The following CHP1 variants were observed in gnomAD, a reference collection of about 807,000 sequenced individuals.
CHP1 encodes the protein calcineurin B homologous protein 1.
In CHP1, 11 loss-of-function variants were observed where a neutral mutation model predicts 27.4. The ratio of observed to expected loss-of-function variants is 0.40; its 90% CI spans 0.25 to 0.67. The LOEUF (loss-of-function observed/expected upper bound fraction) is 0.67. Ranked by LOEUF, CHP1 falls within the 30% of genes least tolerant of loss-of-function variation. The pLI, the probability that CHP1 is intolerant of heterozygous loss-of-function variation, is 0.38. For synonymous variants in CHP1, 89 were observed against 87.4 expected, an observed-to-expected ratio of 1.02 and a Z score of -0.10; for missense variants, 169 against 251.3, an observed-to-expected ratio of 0.67 and a Z score of 2.22.
intron 2 of CHP1, among the ~76,000 whole-genome samples, chr15:41,245,585 C>T (rs922908668): frequency 1.3e-5 from 2 of 152,208 alleles, no homozygotes; most frequent in Non-Finnish European, 2.9e-5. Flanking sequence ...AATAAATAGT[C>T]TGTCATATGG....
In CHP1 at chr15:41,242,072, G is replaced by A. The variant is rs571971980; in HGVS notation, c.68-1595G>A. Among the ~76,000 whole-genome samples the A allele has an allele frequency of 4.5e-4, 68 of 152,112 alleles. 1 individual carries two copies. In the South Asian group the frequency reaches 0.011, roughly 26 times the overall value. On this transcript the variant is annotated intron_variant, in intron 1 of 6. Transcript: ENST00000334660. ...CTGCCATTATTGCCTCATTTTAATT[G>A]TCAACTTGTATCTTGAGTTTATGGA... is the stretch of plus-strand genomic sequence containing the variant.
At chr15:41,231,885 A>T (rs186630103) in intron 1 of CHP1, among the ~76,000 whole-genome samples, 157 of 152,278 alleles carry the variant, frequency 1.0e-3, no homozygotes, top group Non-Finnish European at 3.1e-4. Context: ...TCTGACAACT[A>T]TGGGAAATTA....
intron 1 of CHP1, among the ~76,000 whole-genome samples, chr15:41,242,996 T>G (rs1410916404): frequency 6.6e-6 from 1 of 151,956 alleles, no homozygotes; most frequent in East Asian, 1.9e-4. Context: ...TACATTTTCT[T>G]AGCCTCTAAG....
intron 4 of CHP1, among the ~76,000 whole-genome samples, chr15:41,267,624 T>C (rs983930948): frequency 6.6e-6 from 1 of 150,390 alleles, no homozygotes; most frequent in Admixed American, 6.7e-5. Flanking sequence ...ATCGCGCCAC[T>C]GCACTCCAGC....
intron 3 of CHP1, among the ~76,000 whole-genome samples, chr15:41,262,329 G>A (rs1039707628): frequency 6.6e-6 from 1 of 152,044 alleles, no homozygotes; most frequent in Non-Finnish European, 1.5e-5. Context: ...ATACATTACT[G>A]CAGGGGAGAT....
chr15:41,277,394 G>A (rs1030173160), intron 5 of CHP1, among the ~76,000 whole-genome samples: 3 of 152,068 alleles, frequency 2.0e-5, no homozygotes, highest in Admixed American at 6.6e-5. Context: ...CTATAATCTC[G>A]GCACTTTGGG....
intron 3 of CHP1, among the ~76,000 whole-genome samples, chr15:41,262,550 G>A (rs1168009478): frequency 1.3e-5 from 2 of 152,180 alleles, no homozygotes; most frequent in African/African-American, 4.8e-5. Flanking sequence ...TTTATAAAGT[G>A]GGAGTAATAG....
chr15:41,261,226 C>T (rs1010897930), intron 3 of CHP1, among the ~76,000 whole-genome samples: 1 of 151,396 alleles, frequency 6.6e-6, no homozygotes, highest in Non-Finnish European at 1.5e-5. Context: ...GCAATCTAGG[C>T]TCACTGCAGC....
At chr15:41,241,087 A>G (rs1184208072) in intron 1 of CHP1, among the ~76,000 whole-genome samples, 1 of 152,132 alleles carries the variant, frequency 6.6e-6, no homozygotes, top group Admixed American at 6.5e-5. Context: ...TCTTTTCCTC[A>G]GCATCCGCCC....
rs568405448 is a variant in CHP1 at position 41,277,420 on chromosome 15, A to T, written c.412-1347A>T. Among the ~76,000 whole-genome samples, 283 of 152,086 alleles carry T rather than the reference A, an allele frequency of 1.9e-3. 1 individual carries two copies. The highest frequency in any genetic ancestry group is 6.7e-3 in the African/African-American group (276 of 41,470). On this transcript the variant is annotated intron_variant, in intron 5 of 6. Coordinates refer to ENST00000334660, the MANE Select transcript of CHP1 (RefSeq NM_007236.5). ...GCACTTTGGGAGGTGGCAGAGGGAG[A>T]ATTGCTTGAGCCCAGGAGTTGAAGG...
At chr15:41,267,565 G>A (rs1474671914) in intron 4 of CHP1, among the ~76,000 whole-genome samples, 4 of 151,710 alleles carry the variant, frequency 2.6e-5, no homozygotes, top group Admixed American at 2.6e-4. Context: ...AGGAGGCTGA[G>A]ACAGGAAAAT....
At chr15:41,274,790 GTTTTTTT>G (rs34053067) in intron 5 of CHP1, among the ~76,000 whole-genome samples, 1 of 120,752 alleles carries the variant, frequency 8.3e-6, no homozygotes, top group Non-Finnish European at 1.7e-5. Context: ...CATTGTCTTT[GTTTTTTT>G]TTTTTTTTTT....
intron 1 of CHP1, 98 bp downstream of exon 1, chr15:41,231,547 G>A: frequency 3.4e-6 from 4 of 1,180,744 alleles, no homozygotes; most frequent in Non-Finnish European, 4.9e-6. Flanking sequence ...TGCCTGTGAG[G>A]TTGGGGGGTC....
intron 2 of CHP1, among the ~76,000 whole-genome samples, chr15:41,253,377 A>G (rs1344286674): frequency 6.6e-6 from 1 of 152,136 alleles, no homozygotes; most frequent in East Asian, 1.9e-4. Flanking sequence ...TAAAGCAACC[A>G]GTAATAATAA....
intron 2 of CHP1, among the ~76,000 whole-genome samples, chr15:41,251,546 T>G (rs1263205740): frequency 6.6e-6 from 1 of 152,152 alleles, no homozygotes; most frequent in Non-Finnish European, 1.5e-5. Flanking sequence ...GTGAACAGAA[T>G]GCAAGTGAGC....
At position 41,276,627 on chromosome 15, in the gene CHP1, C is replaced by T. The variant is rs759782940; in HGVS notation, c.412-2140C>T. 3.3e-5 allele frequency among the ~76,000 whole-genome samples: 5 copies of T among 152,268 alleles called. No individual in the cohort carries two copies. In the East Asian group the frequency reaches 5.8e-4, roughly 18 times the overall value. ...GTGTTAAATTCTCTTACTCAATTCT[C>T]GCAGCCTTTTAATTGTGCTTGTTAT... On this transcript the variant is annotated intron_variant, in intron 5 of 6. Coordinates refer to ENST00000334660, the MANE Select transcript of CHP1 (RefSeq NM_007236.5).
intron 5 of CHP1, among the ~76,000 whole-genome samples, chr15:41,271,382 C>G (rs923104951): frequency 6.6e-6 from 1 of 151,780 alleles, no homozygotes; most frequent in Non-Finnish European, 1.5e-5. Context: ...GAGCCAAGAT[C>G]GTGCCACTGC....
rs1434630850 is a variant in CHP1, at chr15:41,281,514, GT to G, written c.*2128del. The stretch of plus-strand genomic sequence containing the variant: ...TTTCTGACTCATTGCTTGCTTGCTT[GT>G]TTCCTTGCTTTGGAAAACTATTGAA... On this transcript the variant is annotated 3_prime_UTR_variant, in exon 7 of 7. Coordinates refer to ENST00000334660, the MANE Select transcript of CHP1 (RefSeq NM_007236.5). 1 of 152,062 alleles carries G rather than the reference GT, an allele frequency of 6.6e-6. No homozygotes were observed. The highest frequency in any genetic ancestry group is 1.5e-5 in the Non-Finnish European group (1 of 67,898). 9.4% of individuals were successfully genotyped at this position (152,062 alleles called of 1,614,324 possible).
At chr15:41,233,964 T>G (rs921114771) in intron 1 of CHP1, among the ~76,000 whole-genome samples, 1 of 152,206 alleles carries the variant, frequency 6.6e-6, no homozygotes, top group Non-Finnish European at 1.5e-5. Context: ...TTCTTTATTT[T>G]AGAGACAGGG....
Sources: gnomAD v4.1 joint callset for allele counts (sites outside exome capture counted in the v4.1 genomes callset) on GRCh38, gnomAD v4.1.1 for gene constraint, MANE v1.5 for transcripts, NCBI Gene and HGNC (gene_info 2026-07-23, HGNC 2026-07-21) for gene names.